Variants in GAP43 observed in about 807,000 individuals in gnomAD.
GAP43 encodes the protein growth associated protein 43.
GAP43 carries 6 observed loss-of-function variants against 18.6 expected under a neutral mutation model. The ratio of observed to expected loss-of-function variants is 0.32; its 90% confidence interval spans 0.18 to 0.64. The LOEUF is 0.64. Ranked by LOEUF, GAP43 falls within the 30% of genes least tolerant of loss-of-function variation. GAP43 has a pLI of 0.78. For synonymous variants in GAP43, 115 were observed against 111.4 expected (o/e 1.03, Z -0.20); for missense variants, 292 against 295.5 (o/e 0.99, Z 0.09).
At chr3:115,717,804 T>A (rs1709529719) in intron 2 of GAP43, among the ~76,000 whole-genome samples, 2 of 152,142 alleles carry the variant, frequency 1.3e-5, no homozygotes, top group South Asian at 2.1e-4. Flanking sequence ...AATGAATATA[T>A]ATTGAGGCTC....
intron 2 of GAP43, among the ~76,000 whole-genome samples, chr3:115,683,746 T>C (rs1387592710): frequency 6.6e-6 from 1 of 152,230 alleles, no homozygotes; most frequent in Non-Finnish European, 1.5e-5. Flanking sequence ...AGACATCTGA[T>C]AAGCTTTTTA....
chr3:115,683,101 T>C (rs1708976168), intron 2 of GAP43, among the ~76,000 whole-genome samples: 1 of 150,588 alleles, frequency 6.6e-6, no homozygotes, highest in African/African-American at 2.5e-5. Context: ...ATAAAATATT[T>C]TTCTTTTTTC....
intron 1 of GAP43, among the ~76,000 whole-genome samples, chr3:115,669,014 C>G (rs567090495): frequency 2.0e-4 from 30 of 151,158 alleles, no homozygotes; most frequent in Non-Finnish European, 4.3e-4. Flanking sequence ...CCACTGCGCT[C>G]CAGCCTGGGT....
chr3:115,691,431 T>G (rs2107359049), intron 2 of GAP43, among the ~76,000 whole-genome samples: 1 of 152,342 alleles, frequency 6.6e-6, no homozygotes, highest in Non-Finnish European at 1.5e-5. Context: ...TTTGTCATTG[T>G]GAAATAAAAT....
intron 1 of GAP43, among the ~76,000 whole-genome samples, chr3:115,629,217 G>A (rs1409268097): frequency 6.6e-6 from 1 of 152,180 alleles, no homozygotes; most frequent in African/African-American, 2.4e-5. Context: ...GACAAAAGCA[G>A]TAACTTTCTA....
At chr3:115,661,839 T>TTTTTTTTTTTTTTTTTTTTTG (rs1196067079) in intron 1 of GAP43, among the ~76,000 whole-genome samples, 1 of 148,446 alleles carries the variant, frequency 6.7e-6, no homozygotes, top group African/African-American at 2.5e-5. Context: ...GGCTTTTTTT[T>TTTTTTTTTTTTTTTTTTTTTG]TTTTTTACCT....
intron 2 of GAP43, among the ~76,000 whole-genome samples, chr3:115,715,582 T>G (rs1171111508): frequency 6.6e-6 from 1 of 152,240 alleles, no homozygotes; most frequent in East Asian, 1.9e-4. Context: ...GCCATTCATT[T>G]GTCTTTGACA....
intron 1 of GAP43, among the ~76,000 whole-genome samples, chr3:115,629,801 G>T (rs1708239762): frequency 6.6e-6 from 1 of 152,068 alleles, no homozygotes; most frequent in African/African-American, 2.4e-5. Flanking sequence ...ATGGAACCAG[G>T]TTTATAGTCT....
At chr3:115,682,600 G>A (rs1197161985) in intron 2 of GAP43, among the ~76,000 whole-genome samples, 2 of 152,106 alleles carry the variant, frequency 1.3e-5, no homozygotes, top group Non-Finnish European at 2.9e-5. Context: ...ACAGTGGCAT[G>A]ATCTCAGCTC....
At chr3:115,687,604 C>G (rs1472604895) in intron 2 of GAP43, among the ~76,000 whole-genome samples, 1 of 152,138 alleles carries the variant, frequency 6.6e-6, no homozygotes, top group Non-Finnish European at 1.5e-5. Context: ...TTCCATGGAG[C>G]AGCATCTCAG....
chr3:115,644,608 C>T lies in GAP43; in HGVS notation c.30+20889C>T, dbSNP rs1350188714. 6.6e-6 allele frequency among the ~76,000 whole-genome samples: 1 copy of T among 152,038 alleles called. No individual in the cohort carries two copies. Among genetic ancestry groups the T allele is most frequent in the African/African-American group, 2.4e-5 (1 of 41,422 alleles). ...CAAAAAGAAAAATCCTTTATGGTTA[C>T]TGAGTATGCTGTGAATCCACATAGT... On this transcript the variant is annotated intron_variant, in intron 1 of 2. Coordinates refer to ENST00000305124, the MANE Select transcript of GAP43 (RefSeq NM_002045.4). This position sits in a 1 kb window ranked among gnomAD's most constrained non-coding sequence, Gnocchi z 4.2.
chr3:115,656,288 G>A (rs1296663853), intron 1 of GAP43, among the ~76,000 whole-genome samples: 1 of 152,166 alleles, frequency 6.6e-6, no homozygotes, highest in African/African-American at 2.4e-5. Flanking sequence ...AAAGTAAAGA[G>A]GTAATGGGGT....
chr3:115,630,487 T>C (rs1487277454), intron 1 of GAP43, among the ~76,000 whole-genome samples: 1 of 152,234 alleles, frequency 6.6e-6, no homozygotes, highest in Non-Finnish European at 1.5e-5. Flanking sequence ...AGTCCTATTG[T>C]GCCCAGCATG....
chr3:115,659,654 G>C (rs1708632396), intron 1 of GAP43, among the ~76,000 whole-genome samples: 1 of 152,150 alleles, frequency 6.6e-6, no homozygotes, highest in African/African-American at 2.4e-5. Context: ...CAAGGTGTCA[G>C]GCAGCAAGCT....
At chr3:115,653,666 C>A (rs1708548073) in intron 1 of GAP43, among the ~76,000 whole-genome samples, 1 of 152,076 alleles carries the variant, frequency 6.6e-6, no homozygotes, top group South Asian at 2.1e-4. Flanking sequence ...TAGTTCAAAT[C>A]CCTCGTTCAG....
At chr3:115,681,014 A>C (rs1708952456) in intron 2 of GAP43, among the ~76,000 whole-genome samples, 1 of 152,136 alleles carries the variant, frequency 6.6e-6, no homozygotes, top group Non-Finnish European at 1.5e-5. Context: ...GGTTTCAACC[A>C]CTTCCTAAAT....
chr3:115,707,990 T>TACACAC lies in GAP43; in HGVS notation c.629-12784_629-12779dup, dbSNP rs3086971. On this transcript the variant is annotated intron_variant, in intron 2 of 2. Coordinates refer to ENST00000305124, the MANE Select transcript of GAP43 (RefSeq NM_002045.4). ...AGCATTCAAGATATATATATCGGGA[T>TACACAC]ACACACACACACACACACACACACA... 6.7e-4 allele frequency among the ~76,000 whole-genome samples: 98 copies of TACACAC among 147,016 alleles called. 1 individual carries two copies. Among genetic ancestry groups the TACACAC allele is most frequent in the African/African-American group, 2.3e-3 (94 of 40,142 alleles).
intron 1 of GAP43, chr3:115,661,379 G>C (rs1047521693): frequency 6.6e-6 from 1 of 152,282 alleles, no homozygotes; most frequent in Non-Finnish European, 1.5e-5. Flanking sequence ...ACTGGGCAGA[G>C]GTTCTTCTAA....
rs780783947 is a variant in GAP43 at position 115,676,557 on chromosome 3, C to G, written c.575C>G (p.Thr192Arg). 1.2e-6 allele frequency: 2 copies of G among 1,612,638 alleles called. No individual in the cohort carries two copies. The highest frequency in any genetic ancestry group is 1.7e-6 in the Non-Finnish European group (2 of 1,179,876). The change falls in exon 2 of 3, where the codon ACA (threonine) becomes AGA (arginine). Residue 192 changes from threonine to arginine, a missense_variant. Transcript: ENST00000305124. Reference sequence around the variant, plus strand: ...GCAGAGGATGCTGCTGCCAAGGCAACAGCCCAGCCTCCAACGGAGACTGGG... The same window carrying G: ...GCAGAGGATGCTGCTGCCAAGGCAAGAGCCCAGCCTCCAACGGAGACTGGG... ...PAAEDAAAKA[T>R]AQPPTETGES...
Sources: allele counts gnomAD v4.1 joint callset (sites outside exome capture counted in the v4.1 genomes callset), GRCh38; gene constraint gnomAD v4.1.1; non-coding constraint Gnocchi (gnomAD v3.1); transcripts MANE v1.5; gene names NCBI Gene and HGNC (gene_info 2026-07-23, HGNC 2026-07-21).